DNAH17: variants seen among roughly 807,000 people sequenced by gnomAD.
DNAH17 encodes the protein axonemal beta dynein heavy chain 17.
A neutral mutation model predicts 485.6 loss-of-function variants in DNAH17; 376 were observed. The observed-to-expected ratio is 0.77, with a 90% confidence interval of 0.71 to 0.84. The LOEUF (loss-of-function observed/expected upper bound fraction) is 0.84. DNAH17 is among the 40% of genes least tolerant of loss of function. DNAH17 has a pLI of 0.00. For synonymous variants in DNAH17, 3,031 were observed against 2,405.9 expected (o/e 1.26, Z -7.60); for missense variants, 6,370 against 5,839.3 (o/e 1.09, Z -2.96).
At chr17:78,442,754 T>TA (rs377165927) in intron 71 of DNAH17, among the ~76,000 whole-genome samples, 60 of 152,244 alleles carry the variant, frequency 3.9e-4, no homozygotes, top group African/African-American at 1.4e-3. Context: ...AGGAAGCACT[T>TA]ACGCCATGGA....
intron 16 of DNAH17, among the ~76,000 whole-genome samples, chr17:78,546,140 C>T (rs1194960249): frequency 6.6e-6 from 1 of 152,178 alleles, no homozygotes; most frequent in Non-Finnish European, 1.5e-5. Flanking sequence ...GCCTGAGCAA[C>T]ATAGGAAGGC....
intron 79 of DNAH17, 36 bp downstream of exon 79, chr17:78,426,421 A>G: frequency 6.4e-7 from 1 of 1,554,526 alleles, no homozygotes; most frequent in Non-Finnish European, 8.7e-7. Flanking sequence ...TCGGTCCCCG[A>G]GTCTTAGGAA....
chr17:78,460,176 C>T lies in DNAH17; in HGVS notation c.9421G>A (p.Asp3141Asn), dbSNP rs1157696438. ...TCCCCCTTTACCTTATTCAGAGTGT[C>T]CAGAGCCTCCTGGGCTGCCAGCAGG... ...PALLAAQEALDTLNKNNLTEL... is the reference protein window; with the variant it reads ...PALLAAQEALNTLNKNNLTEL... The change falls in exon 59 of 81, where the codon GAC becomes AAC. Residue 3141 changes from aspartate to asparagine, a missense_variant. Physicochemically the swap from Asp to Asn is conservative, Grantham distance 23. Transcript: ENST00000389840. The T allele has an allele frequency of 7.5e-6, 12 of 1,607,470 alleles. No homozygotes were observed. The highest frequency in any genetic ancestry group is 2.2e-5 in the East Asian group (1 of 44,788).
intron 3 of DNAH17, among the ~76,000 whole-genome samples, chr17:78,572,092 T>C (rs2092366740): frequency 6.6e-6 from 1 of 152,160 alleles, no homozygotes; most frequent in Non-Finnish European, 1.5e-5. Context: ...GCTCCCCTGG[T>C]GTCACCACCG....
intron 5 of DNAH17, 29 bp from the exon 6 acceptor site, chr17:78,571,062 G>A (rs563551337): frequency 1.5e-4 from 230 of 1,547,954 alleles, no homozygotes; most frequent in Non-Finnish European, 1.9e-4. Context: ...AGTGCCCACC[G>A]GTAAGAGAGC....
chr17:78,488,417 G>T (rs903908178), intron 44 of DNAH17, among the ~76,000 whole-genome samples: 15 of 152,128 alleles, frequency 9.9e-5, no homozygotes, highest in Non-Finnish European at 1.8e-4. Flanking sequence ...GCTTCCTCCA[G>T]GTCACTCCTT....
At chr17:78,441,368 G>A (rs1350185602) in intron 71 of DNAH17, among the ~76,000 whole-genome samples, 169 bp from the exon 72 acceptor site, 5 of 152,134 alleles carry the variant, frequency 3.3e-5, no homozygotes, top group Non-Finnish European at 5.9e-5. Flanking sequence ...TCCTTTCTGC[G>A]AGGGATTGGC....
At chr17:78,517,036 A>T (rs1304793276) in intron 25 of DNAH17, among the ~76,000 whole-genome samples, 1 of 152,224 alleles carries the variant, frequency 6.6e-6, no homozygotes. Flanking sequence ...GGAAGATTTG[A>T]CAAATGATTC....
At chr17:78,523,359 G>A (rs140621683) in intron 25 of DNAH17, among the ~76,000 whole-genome samples, 9,232 of 146,710 alleles carry the variant, frequency 0.063, 383 homozygotes, top group South Asian at 0.14. Context: ...CCTGGCTTCA[G>A]GTGATCCACC....
At chr17:78,503,863 G>A (rs916977588) in intron 31 of DNAH17, among the ~76,000 whole-genome samples, 1 of 152,020 alleles carries the variant, frequency 6.6e-6, no homozygotes, top group African/African-American at 2.4e-5. Context: ...GTACTCTGGA[G>A]GCTTAGACAG....
chr17:78,462,988 C>A lies in DNAH17; in HGVS notation c.9030G>T (p.Arg3010Ser). 2 of 1,613,948 alleles carry A rather than the reference C, an allele frequency of 1.2e-6. No individual in the cohort carries two copies. Among genetic ancestry groups the A allele is most frequent in the Non-Finnish European group, 1.7e-6 (2 of 1,179,876 alleles). The change falls in exon 57 of 81, where the codon AGG becomes AGT. Residue 3010 changes from arginine to serine, a missense_variant. Transcript: ENST00000389840. ...TTTTGGGTGTGGTGTAGTTGTAGCGCCTCTCAGTAGCCAGGTATACCCTGG... is the reference window on the plus strand; with the variant it reads ...TTTTGGGTGTGGTGTAGTTGTAGCGACTCTCAGTAGCCAGGTATACCCTGG... ...EMSRVYLATE[R>S]RYNYTTPKTF...
At chr17:78,474,748 C>T (rs565781356) in intron 54 of DNAH17, among the ~76,000 whole-genome samples, 1 of 149,170 alleles carries the variant, frequency 6.7e-6, no homozygotes, top group East Asian at 2.0e-4. Context: ...GGCCAGATTT[C>T]ACACCCTTTA....
intron 16 of DNAH17, among the ~76,000 whole-genome samples, chr17:78,544,323 G>T (rs61610823): frequency 6.6e-6 from 1 of 152,298 alleles, no homozygotes; most frequent in Admixed American, 6.5e-5. Flanking sequence ...TTAGGGGGAC[G>T]GAAGGACCCG....
chr17:78,476,753 A>T lies in DNAH17; in HGVS notation c.7993-20T>A. 1 of 1,607,880 alleles carries T rather than the reference A, an allele frequency of 6.2e-7. No individual in the cohort carries two copies. ...GAGTCCCTGCCCCAAACACAGGATG[A>T]TCAGCACCGTCAGCTGTTACGAAGG... On this transcript the variant is annotated intron_variant, in intron 51 of 80. Coordinates refer to ENST00000389840, the MANE Select transcript of DNAH17 (RefSeq NM_173628.4).
In DNAH17 at chr17:78,426,822, A is replaced by G. The variant is rs72914887; in HGVS notation, c.12771+104T>C. 0.16 allele frequency: 225,297 copies of G among 1,400,856 alleles called. 19,207 individuals carry two copies. Among genetic ancestry groups the G allele is most frequent in the Middle Eastern group, 0.21 (925 of 4,442 alleles). The allele number at this position is 1,400,856 out of a possible 1,614,324, so 86.8% of individuals were successfully genotyped here. ...AGAGCTCTGGAGAGGGAGCAGTACC[A>G]TGCTGATCCGGGGCCTGTGCTAGGC... is the stretch of plus-strand genomic sequence containing the variant. On this transcript the variant is annotated intron_variant, in intron 78 of 80. Coordinates refer to ENST00000389840, the MANE Select transcript of DNAH17 (RefSeq NM_173628.4).
Position 78,492,628 on chromosome 17 carries a change from G to A in DNAH17, c.6541+5C>T, listed in dbSNP as rs372799426. 338 of 1,613,560 alleles carry A rather than the reference G, an allele frequency of 2.1e-4. 2 individuals carry two copies. In the Admixed American group the frequency reaches 4.0e-3, roughly 19 times the overall value. On this transcript the variant is annotated splice_donor_5th_base_variant and intron_variant, in intron 42 of 80. Coordinates refer to ENST00000389840, the MANE Select transcript of DNAH17 (RefSeq NM_173628.4). The stretch of plus-strand genomic sequence containing the variant: ...TGCAGCCTGTCCCGGGACCACCCTC[G>A]TTACCATCTTTCCATTCCCTGGTCA...
chr17:78,527,371 G>C (rs998529721), intron 22 of DNAH17, among the ~76,000 whole-genome samples: 10 of 152,196 alleles, frequency 6.6e-5, no homozygotes, highest in African/African-American at 2.4e-4. Flanking sequence ...GGGTGACAGA[G>C]TGGGACCCTG....
intron 25 of DNAH17, among the ~76,000 whole-genome samples, chr17:78,515,738 CTG>C (rs1247595740): frequency 2.0e-5 from 3 of 152,226 alleles, no homozygotes; most frequent in African/African-American, 7.2e-5. Flanking sequence ...ACAGCCTGCA[CTG>C]TGGAACCAGT....
chr17:78,544,800 C>CAAAAAAAAAAAAAAAAAAAAAAA lies in DNAH17; in HGVS notation c.2392-826_2392-804dup, dbSNP rs55669221. ...TGGGGCACAGAGCGAGACTCAGTCTCAAAAAAAAAAAAAAAAAAAAAAAAG... is the reference window on the plus strand; with the variant it reads ...TGGGGCACAGAGCGAGACTCAGTCTCAAAAAAAAAAAAAAAAAAAAAAAAAAAAAAAAAAAAAAAAAAAAAAAG... On this transcript the variant is annotated intron_variant, in intron 16 of 80. Coordinates refer to ENST00000389840, the MANE Select transcript of DNAH17 (RefSeq NM_173628.4). Among the ~76,000 whole-genome samples, 126 of 46,862 alleles carry CAAAAAAAAAAAAAAAAAAAAAAA rather than the reference C, an allele frequency of 2.7e-3. 6 individuals carry two copies. Among genetic ancestry groups the CAAAAAAAAAAAAAAAAAAAAAAA allele is most frequent in the East Asian group, 0.013 (22 of 1,630 alleles). The allele number at this position is 46,862 out of a possible 152,430, so 30.7% of individuals were successfully genotyped here. A position where few individuals can be genotyped will look rare whatever the true frequency, so the allele number is the denominator to read the frequency against.
Sources: gnomAD v4.1 joint callset for allele counts (sites outside exome capture counted in the v4.1 genomes callset) on GRCh38, gnomAD v4.1.1 for gene constraint, MANE v1.5 for transcripts, NCBI Gene and HGNC (gene_info 2026-07-23, HGNC 2026-07-21) for gene names.